Variants in FOXN1 observed in about 807,000 individuals in gnomAD.
FOXN1 encodes the protein forkhead box protein N1.
A neutral mutation model predicts 49.0 loss-of-function variants in FOXN1; 15 were observed. That is an observed-to-expected ratio of 0.31 (90% CI 0.20 to 0.47). The LOEUF is 0.47. FOXN1 is among the 20% of genes least tolerant of loss of function. The probability of loss-of-function intolerance (pLI) is 1.00; values close to 1 mark genes in which losing one functional copy is unlikely to be tolerated. For synonymous variants in FOXN1, 356 were observed against 369.0 expected, an observed-to-expected ratio of 0.96 and a Z score of 0.40; for missense variants, 800 against 842.8, an observed-to-expected ratio of 0.95 and a Z score of 0.63.
At chr17:28,515,596 C>T (rs948836692) in intron 1 of FOXN1, among the ~76,000 whole-genome samples, 1 of 151,652 alleles carries the variant, frequency 6.6e-6, no homozygotes, top group African/African-American at 2.4e-5. Flanking sequence ...CATACCTCCA[C>T]AGGCTACACA....
intron 4 of FOXN1, 129 bp from the exon 5 acceptor site, chr17:28,528,964 TG>T: frequency 8.3e-7 from 1 of 1,208,816 alleles, no homozygotes; most frequent in Non-Finnish European, 1.2e-6. Context: ...TTGGGGGTGA[TG>T]GGGCCCATGA....
In FOXN1 at chr17:28,537,099, C is replaced by A; in HGVS notation, c.1628-18C>A. ...CCGGTGCCTCCCAGTGACACCTGTTCTCTCCTTCCCCATCTAGGAAACCTG... is the reference window on the plus strand; with the variant it reads ...CCGGTGCCTCCCAGTGACACCTGTTATCTCCTTCCCCATCTAGGAAACCTG... On this transcript the variant is annotated intron_variant, in intron 8 of 8. Transcript: ENST00000579795. 1 of 1,608,934 alleles carries A rather than the reference C, an allele frequency of 6.2e-7. No homozygotes were observed. The highest frequency in any genetic ancestry group is 1.1e-5 in the South Asian group (1 of 90,994).
intron 1 of FOXN1, among the ~76,000 whole-genome samples, chr17:28,510,569 C>T (rs563743199): frequency 2.6e-4 from 32 of 122,306 alleles, no homozygotes; most frequent in African/African-American, 9.4e-4. Flanking sequence ...CACACACACA[C>T]GCACACACAC....
intron 1 of FOXN1, among the ~76,000 whole-genome samples, chr17:28,508,097 C>A (rs1425358064): frequency 6.6e-6 from 1 of 152,240 alleles, no homozygotes; most frequent in African/African-American, 2.4e-5. Flanking sequence ...CCCCCAGGCC[C>A]GGCGCCTCAC....
rs1310144618 is a variant in FOXN1 at position 28,538,672 on chromosome 17, G to C, written c.*1236G>C. The C allele has an allele frequency of 1.3e-5, 2 of 152,210 alleles. No homozygotes were observed. The highest frequency in any genetic ancestry group is 4.8e-5 in the African/African-American group (2 of 41,444). 9.4% of individuals were successfully genotyped at this position (152,210 alleles called of 1,614,324 possible). ...CCGCTTTGACTGCTTGGCAGACCTAGGGTGCCCGGGAAGCACAAGGGATAC... is the reference window on the plus strand; with the variant it reads ...CCGCTTTGACTGCTTGGCAGACCTACGGTGCCCGGGAAGCACAAGGGATAC... On this transcript the variant is annotated 3_prime_UTR_variant, in exon 9 of 9. Coordinates refer to ENST00000579795, the MANE Select transcript of FOXN1 (RefSeq NM_001369369.1).
In FOXN1 at chr17:28,506,463, A is replaced by C. The variant is rs1251784836; in HGVS notation, c.-15+20A>C. The C allele has an allele frequency of 6.6e-5, 10 of 152,180 alleles. No individual in the cohort carries two copies. The highest frequency in any genetic ancestry group is 2.4e-4 in the African/African-American group (10 of 41,440). The allele number at this position is 152,180 out of a possible 1,614,324, so 9.4% of individuals were successfully genotyped here. The stretch of plus-strand genomic sequence containing the variant: ...GAGCAGGTAAGAGGAGCCCCGGCCC[A>C]AGTCAGCCGTGGAGGCCAGCAGGGC... On this transcript the variant is annotated intron_variant, in intron 1 of 8. Coordinates refer to ENST00000579795, the MANE Select transcript of FOXN1 (RefSeq NM_001369369.1).
At chr17:28,513,668 AGGGGGCC>A (rs1413304028) in intron 1 of FOXN1, among the ~76,000 whole-genome samples, 1 of 152,198 alleles carries the variant, frequency 6.6e-6, no homozygotes, top group African/African-American at 2.4e-5. Flanking sequence ...GCCCTCGGGC[AGGGGGCC>A]GGTCCAGGCA....
intron 1 of FOXN1, among the ~76,000 whole-genome samples, chr17:28,519,220 C>T (rs988280980): frequency 6.6e-6 from 1 of 152,004 alleles, no homozygotes; most frequent in Non-Finnish European, 1.5e-5. Context: ...AATCTCAGCA[C>T]TTTGGGAGGC....
At chr17:28,515,035 G>A (rs1019390220) in intron 1 of FOXN1, among the ~76,000 whole-genome samples, 1 of 152,094 alleles carries the variant, frequency 6.6e-6, no homozygotes, top group Non-Finnish European at 1.5e-5. Context: ...GGCAAGTCAG[G>A]TTAACTTCTC....
chr17:28,506,772 G>A (rs551906617), intron 1 of FOXN1, among the ~76,000 whole-genome samples: 1 of 152,332 alleles, frequency 6.6e-6, no homozygotes, highest in South Asian at 2.1e-4. Context: ...GAGGAAATGA[G>A]GACTCAAAAG....
At position 28,524,513 on chromosome 17, in the gene FOXN1, G is replaced by T; in HGVS notation, c.134G>T (p.Gly45Val). The change falls in exon 3 of 9, where the codon GGC becomes GTC. Residue 45 changes from glycine (G) to valine (V), a missense_variant. Physicochemically the swap from Gly to Val is moderately radical, Grantham distance 109. Around this residue, in one of 3 missense-constraint regions of FOXN1, gnomAD observed 383 missense variants for 357.9 expected, o/e 1.07. Coordinates refer to ENST00000579795, the MANE Select transcript of FOXN1 (RefSeq NM_001369369.1). Reference sequence around the variant, plus strand: ...TCTCTGTCTACCCAGAAGCATGCCGGCTTCAGCTGCTCGTCATTTGTGTCC... The same window carrying T: ...TCTCTGTCTACCCAGAAGCATGCCGTCTTCAGCTGCTCGTCATTTGTGTCC... ...GSPAPQSKHA[G>V]FSCSSFVSDG... 1.2e-6 allele frequency: 2 copies of T among 1,613,690 alleles called. No homozygotes were observed. Among genetic ancestry groups the T allele is most frequent in the Non-Finnish European group, 1.7e-6 (2 of 1,179,982 alleles).
At chr17:28,519,439 G>A (rs879348041) in intron 1 of FOXN1, among the ~76,000 whole-genome samples, 1 of 152,192 alleles carries the variant, frequency 6.6e-6, no homozygotes, top group Non-Finnish European at 1.5e-5. Context: ...CTCTAGTCCA[G>A]GAAGCAGGTG....
At chr17:28,515,539 C>A (rs2069476725) in intron 1 of FOXN1, among the ~76,000 whole-genome samples, 1 of 151,768 alleles carries the variant, frequency 6.6e-6, no homozygotes, top group African/African-American at 2.4e-5. Flanking sequence ...AGGTACACCC[C>A]TCCATGTGGT....
At position 28,534,374 on chromosome 17, in the gene FOXN1, C is replaced by T. The variant is rs2069995589; in HGVS notation, c.971C>T (p.Ser324Phe). The T allele has an allele frequency of 6.2e-7, 1 of 1,614,148 alleles. No individual in the cohort carries two copies. Among genetic ancestry groups the T allele is most frequent in the Non-Finnish European group, 8.5e-7 (1 of 1,180,002 alleles). ...AAGAATTCTGTCCGGCACAACCTAT[C>T]CCTCAACAAGTGCTTCGAGAAGGTG... Reference protein sequence around the residue: ...GWKNSVRHNLSLNKCFEKVEN... With the variant: ...GWKNSVRHNLFLNKCFEKVEN... The change falls in exon 7 of 9, where the codon TCC becomes TTC. Residue 324 changes from serine (S) to phenylalanine (F), a missense_variant. By Grantham distance (155) the Ser-to-Phe change is radical. Around this residue, in one of 3 missense-constraint regions of FOXN1, gnomAD observed 73 missense variants for 118.9 expected, o/e 0.61. Transcript: ENST00000579795. The surrounding 1 kb of genome is among the most constrained non-coding windows in gnomAD (Gnocchi z 4.1).
At chr17:28,513,256 G>A (rs1306833937) in intron 1 of FOXN1, among the ~76,000 whole-genome samples, 5 of 152,160 alleles carry the variant, frequency 3.3e-5, no homozygotes, top group African/African-American at 1.2e-4. Context: ...GTGACAGAGT[G>A]AGACTTTGTC....
At chr17:28,531,895 G>T (rs1451009715) in intron 6 of FOXN1, among the ~76,000 whole-genome samples, 1 of 152,160 alleles carries the variant, frequency 6.6e-6, no homozygotes, top group Admixed American at 6.6e-5. Context: ...TGGGCAAGTT[G>T]GCCGGAGTGG....
chr17:28,536,993 G>A (rs1174750601), intron 8 of FOXN1, 124 bp from the exon 9 acceptor site: 2 of 799,246 alleles, frequency 2.5e-6, no homozygotes, highest in African/African-American at 1.7e-5. Flanking sequence ...GCCAGGCTCT[G>A]TTCCCAGCAC....
At chr17:28,535,404 C>T (rs977761196) in intron 8 of FOXN1, among the ~76,000 whole-genome samples, 1 of 152,140 alleles carries the variant, frequency 6.6e-6, no homozygotes, top group African/African-American at 2.4e-5. Flanking sequence ...ATGTCCTTGC[C>T]CCTGTCTCCC....
At chr17:28,527,046 T>A (rs1197770907) in intron 3 of FOXN1, among the ~76,000 whole-genome samples, 2 of 144,210 alleles carry the variant, frequency 1.4e-5, no homozygotes. Flanking sequence ...GCGTAGGGAC[T>A]GCTGTCAGTT....
Sources: gnomAD v4.1 joint callset for allele counts (sites outside exome capture counted in the v4.1 genomes callset) on GRCh38, gnomAD v4.1.1 for gene constraint, gnomAD v4.1.1 regional missense constraint, Gnocchi (gnomAD v3.1) non-coding constraint, MANE v1.5 for transcripts, NCBI Gene and HGNC (gene_info 2026-07-23, HGNC 2026-07-21) for gene names.